Variants in KDM4C observed in about 807,000 individuals in gnomAD.
KDM4C encodes the protein lysine demethylase 4C.
KDM4C carries 81 observed loss-of-function variants against 129.3 expected under a neutral mutation model. The observed-to-expected ratio is 0.63, with a 90% CI of 0.52 to 0.75. KDM4C has a LOEUF of 0.75. Among genes scored for constraint, KDM4C ranks in the 30% least tolerant of loss-of-function variants. KDM4C has a pLI of 0.00. For missense variants in KDM4C, 1,457 were observed against 1,304.0 expected, an observed-to-expected ratio of 1.12 and a Z score of -1.81; for synonymous variants, 573 against 456.1, an observed-to-expected ratio of 1.26 and a Z score of -3.26.
chr9:7,078,775 A>G (rs139002142), intron 17 of KDM4C, among the ~76,000 whole-genome samples: 51 of 152,328 alleles, frequency 3.3e-4, no homozygotes, highest in Middle Eastern at 3.4e-3. Flanking sequence ...CTTGAAATCA[A>G]TCTATACTTA....
chr9:6,939,913 A>C (rs1385384929), intron 8 of KDM4C, among the ~76,000 whole-genome samples: 1 of 151,986 alleles, frequency 6.6e-6, no homozygotes, highest in African/African-American at 2.4e-5. Context: ...GGTAGAAACC[A>C]CTTTTTATTT....
chr9:6,831,631 C>T (rs7871156), intron 4 of KDM4C, among the ~76,000 whole-genome samples: 39,341 of 151,916 alleles, frequency 0.26, 5,967 homozygotes, highest in East Asian at 0.45. Context: ...TGTAAGCCAG[C>T]GCACCCGGCC....
chr9:7,009,509 G>A lies in KDM4C; in HGVS notation c.1787-2189G>A, dbSNP rs191701817. 3.2e-4 allele frequency among the ~76,000 whole-genome samples: 48 copies of A among 151,986 alleles called. 1 individual carries two copies. The highest frequency in any genetic ancestry group is 1.0e-3 in the African/African-American group (42 of 41,448). On this transcript the variant is annotated intron_variant, in intron 12 of 21. Transcript: ENST00000381309. ...TGATGCTTTTTTCCCCCCATCAAAG[G>A]TGTTATTAAGAGAAACTGCCTTTTT...
At chr9:6,885,608 T>C (rs1845129970) in intron 6 of KDM4C, among the ~76,000 whole-genome samples, 1 of 115,384 alleles carries the variant, frequency 8.7e-6, no homozygotes, top group Non-Finnish European at 1.8e-5. Flanking sequence ...CTGTATAATA[T>C]CTTAAAAAAG....
intron 8 of KDM4C, among the ~76,000 whole-genome samples, chr9:6,953,429 A>G (rs1419949352): frequency 6.6e-6 from 1 of 152,250 alleles, no homozygotes; most frequent in Non-Finnish European, 1.5e-5. Context: ...CAAAAGAAAC[A>G]TTTAATACTT....
intron 8 of KDM4C, among the ~76,000 whole-genome samples, chr9:6,960,300 T>A (rs1368331327): frequency 1.3e-5 from 2 of 150,824 alleles, no homozygotes; most frequent in African/African-American, 4.9e-5. Context: ...TTTTTTTTTT[T>A]AAATACAGGG....
chr9:6,931,644 G>C (rs1823759787), intron 8 of KDM4C, among the ~76,000 whole-genome samples: 1 of 152,046 alleles, frequency 6.6e-6, no homozygotes, highest in South Asian at 2.1e-4. Context: ...GGGACTACAG[G>C]CATGTGCCAC....
chr9:6,844,931 G>A (rs1021140231), intron 4 of KDM4C, among the ~76,000 whole-genome samples: 5 of 152,012 alleles, frequency 3.3e-5, no homozygotes, highest in Non-Finnish European at 7.4e-5. Context: ...CAGGTGATCC[G>A]CCTGCCTCGG....
chr9:6,721,865 G>A (rs1816965681), intron 1 of KDM4C, among the ~76,000 whole-genome samples: 1 of 152,106 alleles, frequency 6.6e-6, no homozygotes, highest in African/African-American at 2.4e-5. Context: ...TGGGATTACA[G>A]GCTTGAGCCA....
chr9:6,895,475 A>C (rs1213584568), intron 8 of KDM4C, among the ~76,000 whole-genome samples: 1 of 152,188 alleles, frequency 6.6e-6, no homozygotes, highest in Non-Finnish European at 1.5e-5. Flanking sequence ...CAATCCGCAA[A>C]ATCCCACGTG....
At chr9:6,991,258 A>AT (rs1491360065) in intron 12 of KDM4C, among the ~76,000 whole-genome samples, 18 of 150,602 alleles carry the variant, frequency 1.2e-4, no homozygotes, top group African/African-American at 3.5e-4. Context: ...TAAAAAAAAA[A>AT]TTTTTTTTTG....
rs992698438 is a variant in KDM4C, at chr9:7,035,318, G to T, written c.2260-11544G>T. Among the ~76,000 whole-genome samples the T allele has an allele frequency of 4.5e-5, 5 of 111,690 alleles. 1 individual carries two copies. Among genetic ancestry groups the T allele is most frequent in the African/African-American group, 1.2e-4 (4 of 33,230 alleles). 73.3% of individuals were successfully genotyped at this position (111,690 alleles called of 152,430 possible). Reference sequence around the variant, plus strand: ...CATGAGCTACCATGCCTGGCCATTTGCCCATTCTTAAATCAGATTTTTTTT... The same window carrying T: ...CATGAGCTACCATGCCTGGCCATTTTCCCATTCTTAAATCAGATTTTTTTT... On this transcript the variant is annotated intron_variant, in intron 15 of 21. Transcript: ENST00000381309.
chr9:7,142,921 C>T (rs1841899904), intron 19 of KDM4C, among the ~76,000 whole-genome samples: 1 of 152,104 alleles, frequency 6.6e-6, no homozygotes, highest in Non-Finnish European at 1.5e-5. Flanking sequence ...TATTAACATG[C>T]TAAAAGCTAG....
At chr9:6,927,248 G>C (rs992916641) in intron 8 of KDM4C, among the ~76,000 whole-genome samples, 5 of 152,174 alleles carry the variant, frequency 3.3e-5, no homozygotes, top group African/African-American at 9.6e-5. Context: ...TTATGCCTCA[G>C]CCTCCTGAGT....
intron 17 of KDM4C, among the ~76,000 whole-genome samples, chr9:7,096,214 T>C (rs1836416106): frequency 6.6e-6 from 1 of 152,258 alleles, no homozygotes. Flanking sequence ...TTGCTTATTT[T>C]GTGATTCATC....
chr9:6,990,345 T>C (rs1818500743), intron 11 of KDM4C, 71 bp from the exon 12 acceptor site: 1 of 1,002,632 alleles, frequency 1.0e-6, no homozygotes, highest in Non-Finnish European at 1.6e-6. Context: ...AATTGTGAAC[T>C]GTAGGGTTTT....
At chr9:6,856,532 C>CTCTGTG (rs1554721020) in intron 5 of KDM4C, among the ~76,000 whole-genome samples, 1 of 127,602 alleles carries the variant, frequency 7.8e-6, no homozygotes, top group African/African-American at 3.1e-5. Flanking sequence ...ATATCTCTCT[C>CTCTGTG]TGTGTGCGTG....
intron 8 of KDM4C, among the ~76,000 whole-genome samples, chr9:6,910,401 A>G (rs761736064): frequency 6.6e-6 from 1 of 152,228 alleles, no homozygotes. Flanking sequence ...CCATCTTATT[A>G]GAGAAAATTA....
At chr9:7,073,127 C>T (rs1324647665) in intron 17 of KDM4C, among the ~76,000 whole-genome samples, 2 of 152,150 alleles carry the variant, frequency 1.3e-5, no homozygotes, top group Non-Finnish European at 2.9e-5. Context: ...CTCTGGACGA[C>T]ATGGGACTCT....
Sources: allele counts gnomAD v4.1 joint callset (sites outside exome capture counted in the v4.1 genomes callset), GRCh38; gene constraint gnomAD v4.1.1; transcripts MANE v1.5; gene names NCBI Gene and HGNC (gene_info 2026-07-23, HGNC 2026-07-21).